The following ARHGAP29 variants were observed in gnomAD, a reference collection of about 807,000 sequenced individuals.
ARHGAP29 encodes rho GTPase-activating protein 29.
A neutral mutation model predicts 122.6 loss-of-function variants in ARHGAP29; 43 were observed. The ratio of observed to expected loss-of-function variants is 0.35; its 90% CI spans 0.27 to 0.45. The LOEUF (loss-of-function observed/expected upper bound fraction) is 0.45, where lower values mean the gene tolerates loss of function less well. Among genes scored for constraint, ARHGAP29 ranks in the 20% least tolerant of loss-of-function variants. The pLI, the probability that ARHGAP29 is intolerant of heterozygous loss-of-function variation, is 1.00. For missense variants in ARHGAP29, 1,303 were observed against 1,477.2 expected, an observed-to-expected ratio of 0.88 and a Z score of 1.93; for synonymous variants, 506 against 497.1, an observed-to-expected ratio of 1.02 and a Z score of -0.24.
intron 12 of ARHGAP29, among the ~76,000 whole-genome samples, chr1:94,198,514 T>C (rs1031717272): frequency 4.0e-5 from 6 of 151,828 alleles, no homozygotes; most frequent in Admixed American, 2.0e-4. Context: ...CAATTAACAA[T>C]GGGAATTTTA....
chr1:94,184,727 C>T (rs1649689348), intron 18 of ARHGAP29, 145 bp downstream of exon 18: 6 of 671,372 alleles, frequency 8.9e-6, no homozygotes, highest in Non-Finnish European at 9.3e-6. Flanking sequence ...GTACTCCAGC[C>T]TGGGCAACAG....
rs1486179415 is a variant in ARHGAP29, at chr1:94,171,815, C to T, written c.*2054G>A. ...ACATGATATAACCTTTGGGTGGGCT[C>T]CATATATTAAAAGAGAACTGAAGAA... On this transcript the variant is annotated 3_prime_UTR_variant, in exon 23 of 23. Coordinates refer to ENST00000260526, the MANE Select transcript of ARHGAP29 (RefSeq NM_004815.4). 1 of 151,922 alleles carries T rather than the reference C, an allele frequency of 6.6e-6. No homozygotes were observed. 9.4% of individuals were successfully genotyped at this position (151,922 alleles called of 1,614,324 possible).
intron 1 of ARHGAP29, among the ~76,000 whole-genome samples, chr1:94,251,746 G>A: frequency 6.6e-6 from 1 of 151,960 alleles, no homozygotes; most frequent in East Asian, 1.9e-4. Context: ...GCTGCCTTCT[G>A]GTCTCTCCTC....
chr1:94,255,812 A>G (rs1654325995), intron 1 of ARHGAP29, among the ~76,000 whole-genome samples: 1 of 152,210 alleles, frequency 6.6e-6, no homozygotes, highest in Non-Finnish European at 1.5e-5. Flanking sequence ...ATTTGTATCT[A>G]AGAGAGGAAG....
At chr1:94,225,527 A>T (rs1380570354) in intron 2 of ARHGAP29, among the ~76,000 whole-genome samples, 1 of 152,108 alleles carries the variant, frequency 6.6e-6, no homozygotes, top group African/African-American at 2.4e-5. Flanking sequence ...AAATACATTT[A>T]TAGCTAGATC....
At chr1:94,312,845 G>C in the ARHGAP29 span, among the ~76,000 whole-genome samples, 1 of 152,160 alleles carries the variant, frequency 6.6e-6, no homozygotes, top group Non-Finnish European at 1.5e-5. Context: ...TTTGCTGGGT[G>C]CTGCAGCTTC....
intron 3 of ARHGAP29, 125 bp from the exon 4 acceptor site, chr1:94,209,475 G>T: frequency 3.8e-6 from 2 of 532,950 alleles, no homozygotes; most frequent in Non-Finnish European, 6.3e-6. Flanking sequence ...AAATTGAAAA[G>T]CCTAACATAC....
chr1:94,243,754 T>C (rs1310378033), intron 1 of ARHGAP29, among the ~76,000 whole-genome samples: 1 of 151,904 alleles, frequency 6.6e-6, no homozygotes, highest in Non-Finnish European at 1.5e-5. Flanking sequence ...AAAAGCTGGT[T>C]CTTTGAAAAG....
intron 1 of ARHGAP29, among the ~76,000 whole-genome samples, chr1:94,265,538 G>A (rs1177547639): frequency 6.6e-6 from 1 of 152,204 alleles, no homozygotes; most frequent in Non-Finnish European, 1.5e-5. Flanking sequence ...GTGGATAATA[G>A]GGGCAGCCAC....
In ARHGAP29 at chr1:94,174,194, G is replaced by A. The variant is rs547690695; in HGVS notation, c.3461C>T (p.Ala1154Val). 5.6e-6 allele frequency: 9 copies of A among 1,614,202 alleles called. No individual in the cohort carries two copies. Among genetic ancestry groups the A allele is most frequent in the Middle Eastern group, 1.6e-4 (1 of 6,062 alleles). The change falls in exon 23 of 23, where the codon GCA becomes GTA. Residue 1154 changes from alanine (A) to valine (V), a missense_variant. Coordinates refer to ENST00000260526, the MANE Select transcript of ARHGAP29 (RefSeq NM_004815.4). ...SDSYPLAPVR[A>V]PRTLQPQHWT... The stretch of plus-strand genomic sequence containing the variant: ...ATGTTGAGGCTGCAGTGTTCTGGGT[G>A]CTCTGACAGGAGCGAGAGGGTAGGA...
intron 1 of ARHGAP29, among the ~76,000 whole-genome samples, chr1:94,264,428 G>C (rs555596411): frequency 6.1e-4 from 93 of 152,208 alleles, no homozygotes; most frequent in African/African-American, 1.7e-3. Context: ...TAATCAGTAG[G>C]GGTCTGGAAA....
chr1:94,233,410 C>CTAGCAG (rs201241263), intron 1 of ARHGAP29, among the ~76,000 whole-genome samples: 4 of 25,542 alleles, frequency 1.6e-4, no homozygotes, highest in Non-Finnish European at 4.7e-4. Context: ...TGCTACCACA[C>CTAGCAG]TAGTGAATTA....
At chr1:94,205,796 A>T (rs190256142) in intron 5 of ARHGAP29, 113 bp from the exon 6 acceptor site, 5 of 911,630 alleles carry the variant, frequency 5.5e-6, no homozygotes, top group Middle Eastern at 2.9e-4. Context: ...AAGAATTTCA[A>T]GTATTTAAAA....
intron 1 of ARHGAP29, among the ~76,000 whole-genome samples, chr1:94,261,084 C>T (rs1654541826): frequency 6.6e-6 from 1 of 152,138 alleles, no homozygotes; most frequent in Non-Finnish European, 1.5e-5. Flanking sequence ...TCTCCACTAC[C>T]GAATTCCATC....
At position 94,174,282 on chromosome 1, in the gene ARHGAP29, T is replaced by G; in HGVS notation, c.3373A>C (p.Ser1125Arg). ...GDHSINATQP[S>R]KPYAEPVRSV... ...CTGACTGGCTCTGCATATGGCTTACTGGGTTGAGTGGCATTGATAGAATGG... is the reference window on the plus strand; with the variant it reads ...CTGACTGGCTCTGCATATGGCTTACGGGGTTGAGTGGCATTGATAGAATGG... Residue 1125 changes from serine (S) to arginine (R), a missense_variant, in exon 23 of 23, where the codon AGT becomes CGT. Ser to Arg is a moderately radical substitution (Grantham distance 110). Transcript: ENST00000260526. 1 of 1,614,206 alleles carries G rather than the reference T, an allele frequency of 6.2e-7. No homozygotes were observed. The highest frequency in any genetic ancestry group is 8.5e-7 in the Non-Finnish European group (1 of 1,180,028).
chr1:94,252,293 G>C (rs533150348), intron 1 of ARHGAP29, among the ~76,000 whole-genome samples: 1 of 152,222 alleles, frequency 6.6e-6, no homozygotes, highest in South Asian at 2.1e-4. Context: ...TCCCTTTCTT[G>C]GGTTTCTGGG....
rs543490394 is a variant in ARHGAP29, at chr1:94,247,900, A to C, written c.-32-16257T>G. On this transcript the variant is annotated intron_variant and NMD_transcript_variant, in intron 1 of 25. Coordinates refer to the ARHGAP29 transcript ENST00000552844. ...GCGGCGGTCAGCTGCGCCCGGCCTGAAGTTGTCCCAACCGCGGCCGCGTCG... is the reference window on the plus strand; with the variant it reads ...GCGGCGGTCAGCTGCGCCCGGCCTGCAGTTGTCCCAACCGCGGCCGCGTCG... 6.0e-3 allele frequency: 944 copies of C among 156,672 alleles called. 15 individuals are homozygous for C. Among genetic ancestry groups the C allele is most frequent in the African/African-American group, 0.023 (912 of 39,966 alleles). 9.7% of individuals were successfully genotyped at this position (156,672 alleles called of 1,614,324 possible).
intron 12 of ARHGAP29, among the ~76,000 whole-genome samples, chr1:94,196,591 CT>C (rs1000731083): frequency 6.6e-6 from 1 of 152,050 alleles, no homozygotes; most frequent in East Asian, 1.9e-4. Context: ...TTATTGATTT[CT>C]TTTTACTGAT....
rs1192310299 is a variant in ARHGAP29 at position 94,171,877 on chromosome 1, G to T, written c.*1992C>A. 6.6e-6 allele frequency: 1 copy of T among 152,188 alleles called. No homozygotes were observed. Among genetic ancestry groups the T allele is most frequent in the Non-Finnish European group, 1.5e-5 (1 of 68,022 alleles). The allele number at this position is 152,188 out of a possible 1,614,324, so 9.4% of individuals were successfully genotyped here. ...CATTTTCTAAGTTTTAGTATAGGAT[G>T]ATGATAATGTTCTGGAGATGAATAG... On this transcript the variant is annotated 3_prime_UTR_variant, in exon 23 of 23. Transcript: ENST00000260526.
Sources: allele counts gnomAD v4.1 joint callset (sites outside exome capture counted in the v4.1 genomes callset), GRCh38; gene constraint gnomAD v4.1.1; transcripts MANE v1.5; gene names NCBI Gene and HGNC (gene_info 2026-07-23, HGNC 2026-07-21).